The following GRIK4 variants were observed in gnomAD, a reference collection of about 807,000 sequenced individuals.
GRIK4 encodes the protein glutamate ionotropic receptor kainate type subunit 4, also known as glutamate receptor ionotropic, kainate 4.
In GRIK4, 40 loss-of-function variants were observed where a neutral mutation model predicts 104.9. That is an observed-to-expected ratio of 0.38 (90% CI 0.30 to 0.50). GRIK4 has a LOEUF of 0.50. Among genes scored for constraint, GRIK4 ranks in the 20% least tolerant of loss-of-function variants. The pLI is 0.93. For missense variants in GRIK4, 1,047 were observed against 1,308.1 expected, an observed-to-expected ratio of 0.80 and a Z score of 3.08; for synonymous variants, 485 against 524.9, an observed-to-expected ratio of 0.92 and a Z score of 1.04.
intron 6 of GRIK4, among the ~76,000 whole-genome samples, chr11:120,831,330 C>T (rs373117466): frequency 3.3e-5 from 5 of 152,340 alleles, no homozygotes; most frequent in African/African-American, 4.8e-5. Context: ...GTCCGAGGCT[C>T]GGGCCTGAGC....
intron 1 of GRIK4, among the ~76,000 whole-genome samples, chr11:120,585,343 CT>C (rs138152898): frequency 0.28 from 39,597 of 143,630 alleles, 6,590 homozygotes; most frequent in Non-Finnish European, 0.4. Context: ...CTCTCTCTCT[CT>C]TTTTTTTTTT....
chr11:120,827,139 G>C (rs929486501), intron 6 of GRIK4, among the ~76,000 whole-genome samples: 20 of 152,342 alleles, frequency 1.3e-4, no homozygotes, highest in Admixed American at 1.1e-3. Context: ...AAGGAAGCTT[G>C]TTGAAAGAGG....
chr11:120,973,443 G>A (rs1480095773), intron 19 of GRIK4, among the ~76,000 whole-genome samples: 1 of 152,226 alleles, frequency 6.6e-6, no homozygotes. Context: ...AAGTCATCCT[G>A]TCCAGGTCCC....
Position 120,958,315 on chromosome 11 carries a change from T to C in GRIK4, c.1874+1362T>C, listed in dbSNP as rs377112531. The stretch of plus-strand genomic sequence containing the variant: ...GGGGAGGACTCAGCGCTGCTTTAAA[T>C]GGCTGGCCCCAGGTGGCTTGGTCAC... On this transcript the variant is annotated intron_variant, in intron 16 of 20. Coordinates refer to ENST00000527524, the MANE Select transcript of GRIK4 (RefSeq NM_014619.5). Among the ~76,000 whole-genome samples the C allele has an allele frequency of 1.9e-3, 283 of 152,352 alleles. 1 individual carries two copies. The highest frequency in any genetic ancestry group is 6.6e-3 in the African/African-American group (275 of 41,584).
chr11:120,661,627 G>A (rs1949818407), intron 3 of GRIK4, among the ~76,000 whole-genome samples: 1 of 152,198 alleles, frequency 6.6e-6, no homozygotes, highest in African/African-American at 2.4e-5. Context: ...CCATGGTGTG[G>A]GCAGAGGTGG....
intron 1 of GRIK4, among the ~76,000 whole-genome samples, chr11:120,631,253 A>G (rs1276009474): frequency 1.3e-5 from 2 of 152,196 alleles, no homozygotes; most frequent in Admixed American, 6.5e-5. Flanking sequence ...CTGCAGCTCA[A>G]TGGGGATTCC....
At chr11:120,898,477 C>T in intron 11 of GRIK4, 55 bp from the exon 12 acceptor site, 2 of 1,019,916 alleles carry the variant, frequency 2.0e-6, no homozygotes, top group Non-Finnish European at 3.1e-6. Context: ...CTCTTGGCTC[C>T]TTCCAGCTCT....
At chr11:120,906,408 T>C (rs1942867603) in intron 13 of GRIK4, among the ~76,000 whole-genome samples, 1 of 152,232 alleles carries the variant, frequency 6.6e-6, no homozygotes, top group Non-Finnish European at 1.5e-5. Context: ...CAAGGTGTTT[T>C]ACATGCATTA....
At position 120,939,193 on chromosome 11, in the gene GRIK4, T is replaced by C. The variant is rs1943664682; in HGVS notation, c.1477-1154T>C. ...GGAAACAGACTTGCTTTCCACAGGA[T>C]TGATTTAAATTAGATACAAGGAAAA... is the stretch of plus-strand genomic sequence containing the variant. On this transcript the variant is annotated intron_variant, in intron 13 of 20. Transcript: ENST00000527524. The surrounding 1 kb of genome is among the most constrained non-coding windows in gnomAD (Gnocchi z 5.6). 6.6e-6 allele frequency among the ~76,000 whole-genome samples: 1 copy of C among 152,160 alleles called. No homozygotes were observed. The highest frequency in any genetic ancestry group is 1.5e-5 in the Non-Finnish European group (1 of 68,024).
At chr11:120,661,846 T>G (rs1949823059) in intron 3 of GRIK4, among the ~76,000 whole-genome samples, 1 of 152,082 alleles carries the variant, frequency 6.6e-6, no homozygotes, top group African/African-American at 2.4e-5. Flanking sequence ...AAAAAGAAAT[T>G]AAAAAACAAA....
chr11:120,641,454 T>C (rs1949471467), intron 1 of GRIK4, among the ~76,000 whole-genome samples: 1 of 151,794 alleles, frequency 6.6e-6, no homozygotes, highest in Admixed American at 6.6e-5. Flanking sequence ...ATATTTATAG[T>C]TGTTTCTTGA....
intron 3 of GRIK4, among the ~76,000 whole-genome samples, chr11:120,754,689 C>T (rs1951622111): frequency 1.3e-5 from 2 of 152,228 alleles, no homozygotes; most frequent in Admixed American, 1.3e-4. Context: ...GTGGCTGCCC[C>T]GTTTTACATT....
At chr11:120,962,981 T>C (rs112885596) in intron 18 of GRIK4, 13,176 of 248,632 alleles carry the variant, frequency 0.053, 448 homozygotes, top group Middle Eastern at 0.1. Context: ...TTAATGTCTT[T>C]GGTGTGTATT....
Position 120,766,714 on chromosome 11 carries a change from C to CTTT in GRIK4, c.83-35978_83-35977insTTT, listed in dbSNP as rs1345495039. Among the ~76,000 whole-genome samples the CTTT allele has an allele frequency of 2.0e-5, 3 of 152,042 alleles. No individual in the cohort carries two copies. In the East Asian group the frequency reaches 5.8e-4, roughly 30 times the overall value. On this transcript the variant is annotated intron_variant, in intron 3 of 20. Coordinates refer to ENST00000527524, the MANE Select transcript of GRIK4 (RefSeq NM_014619.5). Reference sequence around the variant, plus strand: ...TCCCTTGGCTAGGGGAGGTAGTTCTCTGACCCTTTGCACTTCCTGGGTGAG... The same window carrying CTTT: ...TCCCTTGGCTAGGGGAGGTAGTTCTCTTTTGACCCTTTGCACTTCCTGGGTGAG...
intron 1 of GRIK4, among the ~76,000 whole-genome samples, chr11:120,578,232 C>T (rs1394420188): frequency 6.6e-6 from 1 of 152,092 alleles, no homozygotes; most frequent in Non-Finnish European, 1.5e-5. Flanking sequence ...TGTGTCTTTA[C>T]CCATAGGTGA....
At chr11:120,629,200 AACTGGTAT>A (rs987870416) in intron 1 of GRIK4, among the ~76,000 whole-genome samples, 5 of 152,118 alleles carry the variant, frequency 3.3e-5, no homozygotes, top group Non-Finnish European at 7.4e-5. Context: ...TTGAGAACAA[AACTGGTAT>A]AGGGCAGTGG....
intron 3 of GRIK4, among the ~76,000 whole-genome samples, chr11:120,701,055 AG>A (rs1950544630): frequency 2.0e-5 from 3 of 152,200 alleles, no homozygotes; most frequent in Non-Finnish European, 1.5e-5. Flanking sequence ...TAGGTGTAGG[AG>A]GCTATACCAT....
rs913786187 is a variant in GRIK4, at chr11:120,962,641, C to T, written c.2226C>T (p.Gly742=). The part of the protein sequence containing the change: ...QRNCNLTQIG[G]LLDTKGYGIG... ...ACTGCAACCTCACTCAGATTGGGGG[C>T]CTGCTGGACACCAAGGGCTATGGGA... Residue 742 remains glycine, a synonymous_variant, in exon 18 of 21, where the codon GGC becomes GGT. Coordinates refer to ENST00000527524, the MANE Select transcript of GRIK4 (RefSeq NM_014619.5). 1 of 1,613,944 alleles carries T rather than the reference C, an allele frequency of 6.2e-7. No homozygotes were observed. The highest frequency in any genetic ancestry group is 8.5e-7 in the Non-Finnish European group (1 of 1,179,896).
chr11:120,661,501 G>T (rs962249263), intron 3 of GRIK4, among the ~76,000 whole-genome samples: 2 of 152,244 alleles, frequency 1.3e-5, no homozygotes, highest in African/African-American at 4.8e-5. Context: ...AGCCTGAAAG[G>T]GTTAGAGGCT....
Sources: allele counts gnomAD v4.1 joint callset (sites outside exome capture counted in the v4.1 genomes callset), GRCh38; gene constraint gnomAD v4.1.1; non-coding constraint Gnocchi (gnomAD v3.1); transcripts MANE v1.5; gene names NCBI Gene and HGNC (gene_info 2026-07-23, HGNC 2026-07-21).